FBXO16: variants seen among roughly 807,000 people sequenced by gnomAD.
The protein encoded by FBXO16 is F-box only protein 16.
A neutral mutation model predicts 41.0 loss-of-function variants in FBXO16; 31 were observed. The observed-to-expected ratio is 0.76, with a 90% CI of 0.57 to 1.02. The LOEUF (loss-of-function observed/expected upper bound fraction) is 1.02, where lower values mean the gene tolerates loss of function less well. Among genes scored for constraint, FBXO16 ranks in the 50% least tolerant of loss-of-function variants. FBXO16 has a pLI of 0.00. For synonymous variants in FBXO16, 133 were observed against 117.8 expected (o/e 1.13, Z -0.84); for missense variants, 361 against 346.2 (o/e 1.04, Z -0.34).
chr8:28,487,228 T>C (rs1803616259), intron 1 of FBXO16, among the ~76,000 whole-genome samples: 2 of 152,046 alleles, frequency 1.3e-5, no homozygotes, highest in South Asian at 2.1e-4. Flanking sequence ...CTTGGCCATA[T>C]AGGCCTGCTG....
intron 6 of FBXO16, chr8:28,447,488 C>T: frequency 4.0e-6 from 2 of 499,964 alleles, no homozygotes; most frequent in East Asian, 3.6e-5. Context: ...AAATGGAAAG[C>T]AGGATGTTTC....
At chr8:28,485,329 C>T (rs573083915) in intron 1 of FBXO16, among the ~76,000 whole-genome samples, 7 of 152,194 alleles carry the variant, frequency 4.6e-5, no homozygotes, top group South Asian at 2.1e-4. Flanking sequence ...CCTGCCACCA[C>T]GACTGGCTAA....
intron 7 of FBXO16, among the ~76,000 whole-genome samples, chr8:28,432,257 T>G (rs1481355740): frequency 6.6e-6 from 1 of 151,846 alleles, no homozygotes; most frequent in African/African-American, 2.4e-5. Context: ...GCGGATCACC[T>G]GAGGTCAGGA....
chr8:28,445,637 C>T (rs2323099), intron 7 of FBXO16, among the ~76,000 whole-genome samples: 50,742 of 150,646 alleles, frequency 0.34, 9,349 homozygotes, highest in East Asian at 0.63. Context: ...TAAGCTCCCC[C>T]GTTCCCTTGG....
chr8:28,436,967 TC>T (rs1014578439), intron 7 of FBXO16, among the ~76,000 whole-genome samples: 20 of 152,110 alleles, frequency 1.3e-4, no homozygotes, highest in African/African-American at 4.3e-4. Context: ...TTACCCAGGC[TC>T]ATCTCAAACT....
intron 5 of FBXO16, 61 bp downstream of exon 5, chr8:28,456,705 A>G (rs544062518): frequency 6.1e-4 from 959 of 1,564,604 alleles, no homozygotes; most frequent in Non-Finnish European, 7.5e-4. Context: ...CTTTATTCTT[A>G]GTTCTAGAAT....
At chr8:28,448,308 T>TCTA (rs1469604463) in intron 6 of FBXO16, among the ~76,000 whole-genome samples, 1 of 133,982 alleles carries the variant, frequency 7.5e-6, no homozygotes, top group Non-Finnish European at 1.5e-5. Flanking sequence ...GCTACCGCAC[T>TCTA]CTAGCCTGGG....
intron 3 of FBXO16, among the ~76,000 whole-genome samples, chr8:28,471,296 A>G (rs1056804508): frequency 2.6e-5 from 4 of 152,112 alleles, no homozygotes; most frequent in Non-Finnish European, 5.9e-5. Flanking sequence ...ATTCTTTTTT[A>G]AAAAATGATT....
In FBXO16 at chr8:28,448,383, A is replaced by G. The variant is rs185866252; in HGVS notation, c.741-1110T>C. The stretch of plus-strand genomic sequence containing the variant: ...AAAGAAAGAAAGAAAGAAAAGAAAA[A>G]AAAGGAACAGGTAATATGGAGGAAC... On this transcript the variant is annotated intron_variant, in intron 6 of 8. Transcript: ENST00000380254. Among the ~76,000 whole-genome samples, 20 of 151,994 alleles carry G rather than the reference A, an allele frequency of 1.3e-4. No homozygotes were observed. The South Asian group carries it at 2.3e-3, about 17-fold the overall frequency.
chr8:28,450,494 A>G (rs1438781291), intron 6 of FBXO16, among the ~76,000 whole-genome samples: 2 of 152,200 alleles, frequency 1.3e-5, no homozygotes, highest in Admixed American at 6.5e-5. Flanking sequence ...AAAAGATGCT[A>G]TCAAGAGAGT....
chr8:28,461,083 CT>C (rs60769796), intron 4 of FBXO16, among the ~76,000 whole-genome samples: 35,701 of 136,330 alleles, frequency 0.26, 4,791 homozygotes, highest in East Asian at 0.5. Flanking sequence ...TATACCTCTG[CT>C]TTTTTTTTTT....
At chr8:28,449,666 T>C (rs932165356) in intron 6 of FBXO16, among the ~76,000 whole-genome samples, 23 of 151,870 alleles carry the variant, frequency 1.5e-4, no homozygotes, top group African/African-American at 5.3e-4. Context: ...CTCAGCTCCC[T>C]TGGCCCAATA....
chr8:28,452,723 C>T (rs1190225870), intron 5 of FBXO16, among the ~76,000 whole-genome samples: 1 of 151,990 alleles, frequency 6.6e-6, no homozygotes, highest in Non-Finnish European at 1.5e-5. Flanking sequence ...ATCACTTAAA[C>T]CTGGAAGGCG....
chr8:28,452,300 A>C lies in FBXO16; in HGVS notation c.684T>G (p.Asp228Glu), dbSNP rs1454546260. The C allele has an allele frequency of 6.2e-7, 1 of 1,614,020 alleles. No individual in the cohort carries two copies. Among genetic ancestry groups the C allele is most frequent in the Non-Finnish European group, 8.5e-7 (1 of 1,180,040 alleles). Residue 228 changes from aspartate (D) to glutamate (E), a missense_variant, in exon 6 of 9, where the codon GAT (aspartate) becomes GAG (glutamate). Asp to Glu is a conservative substitution (Grantham distance 45, BLOSUM62 2). Transcript: ENST00000380254. The stretch of plus-strand genomic sequence containing the variant: ...TGTCTAGGTAATTAAAACGAATGAT[A>C]TCTGTTGGGTGCTTATCAGAAGATC... ...PWRSSDKHPT[D>E]IIRFNYLDNR...
At chr8:28,452,847 TATA>T (rs770819079) in intron 5 of FBXO16, among the ~76,000 whole-genome samples, 15 of 151,548 alleles carry the variant, frequency 9.9e-5, no homozygotes, top group East Asian at 7.8e-4. Flanking sequence ...AACCACACAC[TATA>T]ATAATAATAA....
In FBXO16 at chr8:28,488,806, C is replaced by T. The variant is rs553380296; in HGVS notation, c.-17+1380G>A. Among the ~76,000 whole-genome samples the T allele has an allele frequency of 1.4e-3, 216 of 152,220 alleles. 1 individual carries two copies. The highest frequency in any genetic ancestry group is 5.0e-3 in the African/African-American group (208 of 41,522). ...CTGACAGCTACAGGATCCAGACTTC[C>T]TCGCGTGGAAGTCTAGGTCTGCCAT... is the stretch of plus-strand genomic sequence containing the variant. On this transcript the variant is annotated intron_variant, in intron 1 of 8. Transcript: ENST00000380254.
chr8:28,471,385 T>G (rs1289461108), intron 3 of FBXO16, among the ~76,000 whole-genome samples: 2 of 152,062 alleles, frequency 1.3e-5, no homozygotes, highest in Non-Finnish European at 2.9e-5. Flanking sequence ...TAATGCTAAG[T>G]AAAAACACTG....
chr8:28,488,156 T>C (rs1308280090), intron 1 of FBXO16, among the ~76,000 whole-genome samples: 1 of 152,090 alleles, frequency 6.6e-6, no homozygotes, highest in Non-Finnish European at 1.5e-5. Context: ...CAGCCAAATA[T>C]TCATCTTTAA....
Position 28,456,850 on chromosome 8 carries a change from A to G in FBXO16, c.423T>C (p.Asn141=), listed in dbSNP as rs1803047291. ...LKCLRFNWYI[N]FSPTPFEQGI... ...CCTGCTCAAAGGGAGTTGGAGAGAA[A>G]TTGATGTACCAGTTAAACCGTAAAC... is the stretch of plus-strand genomic sequence containing the variant. The change falls in exon 5 of 9, where the codon AAT becomes AAC. Residue 141 remains asparagine, a synonymous_variant. Transcript: ENST00000380254. 6.2e-7 allele frequency: 1 copy of G among 1,614,144 alleles called. No individual in the cohort carries two copies. Among genetic ancestry groups the G allele is most frequent in the Non-Finnish European group, 8.5e-7 (1 of 1,180,014 alleles).
Sources: allele counts gnomAD v4.1 joint callset (sites outside exome capture counted in the v4.1 genomes callset), GRCh38; gene constraint gnomAD v4.1.1; transcripts MANE v1.5; gene names NCBI Gene and HGNC (gene_info 2026-07-23, HGNC 2026-07-21).